FOXN3: variants seen among roughly 807,000 people sequenced by gnomAD.
FOXN3 encodes forkhead box protein N3.
FOXN3 carries 7 observed loss-of-function variants against 38.4 expected under a neutral mutation model. The ratio of observed to expected loss-of-function variants is 0.18; its 90% confidence interval spans 0.10 to 0.34. FOXN3 has a LOEUF of 0.34. FOXN3 is among the 10% of genes least tolerant of loss of function. FOXN3 has a pLI of 1.00. For missense variants in FOXN3, 456 were observed against 613.4 expected (o/e 0.74, Z 2.71); for synonymous variants, 230 against 242.2 (o/e 0.95, Z 0.47).
intron 2 of FOXN3, among the ~76,000 whole-genome samples, chr14:89,377,161 A>C (rs928031719): frequency 6.6e-6 from 1 of 151,812 alleles, no homozygotes; most frequent in Admixed American, 6.6e-5. Context: ...GGCATTCCAC[A>C]AAACAACTGG....
intron 1 of FOXN3, among the ~76,000 whole-genome samples, chr14:89,518,416 G>T (rs907026798): frequency 7.9e-5 from 12 of 152,174 alleles, no homozygotes; most frequent in Non-Finnish European, 1.6e-4. Flanking sequence ...CTGATTGGAG[G>T]AGGGGCACAC....
chr14:89,229,651 G>A (rs1884747746), intron 4 of FOXN3, among the ~76,000 whole-genome samples: 2 of 152,152 alleles, frequency 1.3e-5, no homozygotes, highest in African/African-American at 4.8e-5. Flanking sequence ...TTCTTTAGTA[G>A]GCATGTGTCT....
chr14:89,210,965 C>A (rs1337322236), intron 4 of FOXN3, among the ~76,000 whole-genome samples: 1 of 152,202 alleles, frequency 6.6e-6, no homozygotes, highest in East Asian at 1.9e-4. Context: ...CACTCTCTGG[C>A]AGCTTATTTT....
intron 1 of FOXN3, among the ~76,000 whole-genome samples, chr14:89,479,020 C>G (rs377219024): frequency 6.7e-6 from 1 of 150,220 alleles, no homozygotes. Context: ...GAGGTTCAGA[C>G]AGTTTACATT....
chr14:89,251,618 G>C (rs1885459263), intron 4 of FOXN3, among the ~76,000 whole-genome samples: 1 of 152,162 alleles, frequency 6.6e-6, no homozygotes, highest in Non-Finnish European at 1.5e-5. Flanking sequence ...AATATTAAGA[G>C]TACATGGACC....
intron 1 of FOXN3, among the ~76,000 whole-genome samples, chr14:89,592,743 C>G (rs1895984010): frequency 6.6e-6 from 1 of 152,082 alleles, no homozygotes; most frequent in Admixed American, 6.6e-5. Flanking sequence ...AGAATGTGCT[C>G]TAACAAAACA....
At chr14:89,579,497 T>G (rs1242906509) in intron 1 of FOXN3, among the ~76,000 whole-genome samples, 1 of 152,186 alleles carries the variant, frequency 6.6e-6, no homozygotes, top group East Asian at 1.9e-4. Context: ...CAGTGACTTC[T>G]TCACATAAAA....
chr14:89,369,212 G>A (rs570465261), intron 2 of FOXN3, among the ~76,000 whole-genome samples: 2 of 152,302 alleles, frequency 1.3e-5, no homozygotes, highest in Admixed American at 6.5e-5. Context: ...TATCTGTGGA[G>A]ACTTTATACA....
intron 1 of FOXN3, among the ~76,000 whole-genome samples, chr14:89,522,451 A>G (rs1044927740): frequency 5.9e-5 from 9 of 152,212 alleles, no homozygotes; most frequent in African/African-American, 2.2e-4. Context: ...AAATAACAAT[A>G]CAAGTTAATA....
At chr14:89,569,066 G>C (rs989876297) in intron 1 of FOXN3, among the ~76,000 whole-genome samples, 1 of 152,082 alleles carries the variant, frequency 6.6e-6, no homozygotes, top group Non-Finnish European at 1.5e-5. Flanking sequence ...TTAGCCGGGC[G>C]TGGTGGCGGG....
intron 4 of FOXN3, among the ~76,000 whole-genome samples, chr14:89,228,642 T>C (rs1884711512): frequency 2.6e-5 from 4 of 152,216 alleles, no homozygotes; most frequent in Admixed American, 1.3e-4. Flanking sequence ...CTCTTCTAGA[T>C]TAACTATAGG....
Position 89,513,938 on chromosome 14 carries a change from A to ACACG in FOXN3, c.-14-101452_-14-101449dup, listed in dbSNP as rs148575991. Among the ~76,000 whole-genome samples, 352 of 150,376 alleles carry ACACG rather than the reference A, an allele frequency of 2.3e-3. 1 individual carries two copies. The highest frequency in any genetic ancestry group is 5.8e-3 in the Admixed American group (87 of 14,994). ...CACACACACACACACACGCACGCAC[A>ACACG]CACGCACGCACACACGCCCTCTCCT... On this transcript the variant is annotated intron_variant, in intron 1 of 6. Transcript: ENST00000345097.
intron 1 of FOXN3, among the ~76,000 whole-genome samples, chr14:89,483,862 T>C (rs765287685): frequency 5.9e-5 from 9 of 152,202 alleles, no homozygotes; most frequent in Non-Finnish European, 8.8e-5. Flanking sequence ...ATGCCATAGC[T>C]TACTCATGGT....
chr14:89,472,301 G>A (rs757745519), intron 1 of FOXN3, among the ~76,000 whole-genome samples: 1 of 151,502 alleles, frequency 6.6e-6, no homozygotes, highest in Non-Finnish European at 1.5e-5. Flanking sequence ...ATGCCACTGA[G>A]TTTTGGGGTT....
intron 1 of FOXN3, among the ~76,000 whole-genome samples, chr14:89,477,134 G>A (rs888294973): frequency 3.3e-5 from 5 of 152,116 alleles, no homozygotes; most frequent in African/African-American, 9.7e-5. Flanking sequence ...GAACACTCAC[G>A]TTTGAATACC....
At chr14:89,472,720 CAAA>C (rs1157948946) in intron 1 of FOXN3, among the ~76,000 whole-genome samples, 5 of 46,572 alleles carry the variant, frequency 1.1e-4, no homozygotes, top group Non-Finnish European at 1.8e-4. Context: ...GACCCCATCT[CAAA>C]AAAAAAAAAA....
intron 2 of FOXN3, among the ~76,000 whole-genome samples, chr14:89,388,239 G>C (rs1186351652): frequency 6.6e-6 from 1 of 151,848 alleles, no homozygotes; most frequent in African/African-American, 2.4e-5. Flanking sequence ...TGGAAAGTCA[G>C]GGAGGAGATG....
At chr14:89,443,463 A>G (rs1160238723) in intron 1 of FOXN3, among the ~76,000 whole-genome samples, 2 of 152,324 alleles carry the variant, frequency 1.3e-5, no homozygotes, top group South Asian at 2.1e-4. Context: ...GCTCATCACC[A>G]CAGGCTGAGA....
At chr14:89,501,998 T>C (rs1893811574) in intron 1 of FOXN3, among the ~76,000 whole-genome samples, 1 of 151,144 alleles carries the variant, frequency 6.6e-6, no homozygotes, top group Non-Finnish European at 1.5e-5. Context: ...AAACCCCAAC[T>C]CTCCTAAAAA....
Sources: gnomAD v4.1 joint callset for allele counts (sites outside exome capture counted in the v4.1 genomes callset) on GRCh38, gnomAD v4.1.1 for gene constraint, MANE v1.5 for transcripts, NCBI Gene and HGNC (gene_info 2026-07-23, HGNC 2026-07-21) for gene names.